Variants in DDX25 observed in about 807,000 individuals in gnomAD.
DDX25 encodes ATP-dependent RNA helicase DDX25.
DDX25 carries 70 observed loss-of-function variants against 64.6 expected under a neutral mutation model. The ratio of observed to expected loss-of-function variants is 1.08; its 90% CI spans 0.89 to 1.32. DDX25 has a LOEUF of 1.32. Among genes scored for constraint, DDX25 ranks in the 40% most tolerant of loss-of-function variants. The pLI is 0.00. For synonymous variants in DDX25, 211 were observed against 213.3 expected (o/e 0.99, Z 0.09); for missense variants, 587 against 604.4 (o/e 0.97, Z 0.30).
Position 125,905,247 on chromosome 11 carries a change from G to A in DDX25, c.99G>A (p.Trp33Ter). ...SNLSQPRKNL[W>*]GIKSTAVRNI... ...TCAGCCAACCCCGGAAGAACCTTTG[G>A]GGTATTAAGAGTACTGCAGTCCGAA... is the stretch of plus-strand genomic sequence containing the variant. Residue 33 changes from tryptophan to a stop codon, truncating the protein, a stop_gained, in exon 2 of 12, where the codon TGG (tryptophan) becomes TGA (stop). Coordinates refer to ENST00000263576, the MANE Select transcript of DDX25 (RefSeq NM_013264.5). LOFTEE classifies it high-confidence loss of function. 1 of 1,551,628 alleles carries A rather than the reference G, an allele frequency of 6.4e-7. No homozygotes were observed. The highest frequency in any genetic ancestry group is 8.7e-7 in the Non-Finnish European group (1 of 1,146,974).
chr11:125,905,628 C>T, intron 3 of DDX25, 31 bp downstream of exon 3: 1 of 1,541,086 alleles, frequency 6.5e-7, no homozygotes, highest in Non-Finnish European at 8.8e-7. Flanking sequence ...CATGTATCTA[C>T]TAGCATTCTG....
chr11:125,917,675 C>T (rs670187), intron 9 of DDX25, among the ~76,000 whole-genome samples: 104,344 of 152,008 alleles, frequency 0.69, 35,991 homozygotes, highest in Admixed American at 0.73. Flanking sequence ...TTAAGCTTCA[C>T]GACAGCAGGG....
chr11:125,904,450 A>T (rs569401312), upstream of DDX25: 124 of 1,331,912 alleles, frequency 9.3e-5, no homozygotes, highest in South Asian at 1.6e-3. Context: ...TGGCCAGCGG[A>T]TGGGGCCAGC....
chr11:125,905,081 A>T, intron 1 of DDX25, 131 bp from the exon 2 acceptor site: 1 of 766,088 alleles, frequency 1.3e-6, no homozygotes, highest in Non-Finnish European at 2.2e-6. Flanking sequence ...ATCTGCTGCT[A>T]CCTAATATTG....
intron 1 of DDX25, 24 bp downstream of exon 1, chr11:125,904,604 C>CCACAGCCGCGGGGGT: frequency 1.4e-6 from 2 of 1,447,984 alleles, no homozygotes; most frequent in Non-Finnish European, 1.8e-6. Flanking sequence ...AGCCGGGGGG[C>CCACAGCCGCGGGGGT]CACAGCCGCG....
chr11:125,911,504 T>C lies in DDX25; in HGVS notation c.800+16T>C. 1 of 1,608,162 alleles carries C rather than the reference T, an allele frequency of 6.2e-7. No individual in the cohort carries two copies. Among genetic ancestry groups the C allele is most frequent in the East Asian group, 2.2e-5 (1 of 44,660 alleles). ...GTATTCAAAGGTAATCTTCAGAGTC[T>C]TCCTCTCTTCCTCAGCCTTCTGTCC... On this transcript the variant is annotated intron_variant, in intron 8 of 11. Transcript: ENST00000263576.
rs778163036 is a variant in DDX25, at chr11:125,918,595, G to A, written c.1039-33G>A. ...AGCTAGGCTGCTTTGCTTAATCTTG[G>A]GGTGCTGTGTTGGGTTTTGCCTTTT... On this transcript the variant is annotated intron_variant, in intron 9 of 11. Coordinates refer to ENST00000263576, the MANE Select transcript of DDX25 (RefSeq NM_013264.5). 12 of 1,600,148 alleles carry A rather than the reference G, an allele frequency of 7.5e-6. No homozygotes were observed. In the South Asian group the frequency reaches 1.2e-4, roughly 16 times the overall value.
intron 10 of DDX25, among the ~76,000 whole-genome samples, chr11:125,920,175 G>A (rs1325970737): frequency 1.3e-5 from 2 of 152,142 alleles, no homozygotes; most frequent in African/African-American, 4.8e-5. Context: ...GGTGGCTCAC[G>A]CCTGTAATCC....
Position 125,918,749 on chromosome 11 carries a change from G to C in DDX25, c.1160G>C (p.Gly387Ala). The C allele has an allele frequency of 1.2e-6, 2 of 1,605,752 alleles. No individual in the cohort carries two copies. Among genetic ancestry groups the C allele is most frequent in the Non-Finnish European group, 1.7e-6 (2 of 1,175,918 alleles). The change falls in exon 10 of 12, where the codon GGG becomes GCG. Residue 387 changes from glycine (G) to alanine (A), a missense_variant. Coordinates refer to ENST00000263576, the MANE Select transcript of DDX25 (RefSeq NM_013264.5). ...TCCATCATTCAGAGGTTTCGGGATG[G>C]GAAAGAGAAGGTTCTCATAACAACT... ...RASIIQRFRD[G>A]KEKVLITTNV...
chr11:125,921,207 G>C lies in DDX25; in HGVS notation c.1218G>C (p.Gln406His), dbSNP rs371641377. The C allele has an allele frequency of 2.5e-6, 4 of 1,611,124 alleles. No homozygotes were observed. In the African/African-American group the frequency reaches 4.0e-5, roughly 16 times the overall value. Residue 406 changes from glutamine (Q) to histidine (H), a missense_variant, in exon 11 of 12, where the codon CAG (glutamine) becomes CAC (histidine). Gln to His is a conservative substitution (Grantham distance 24). Coordinates refer to ENST00000263576, the MANE Select transcript of DDX25 (RefSeq NM_013264.5). The surrounding 1 kb of genome is among the most constrained non-coding windows in gnomAD (Gnocchi z 4.1). ...NVCARGIDVK[Q>H]VTIVVNFDLP... ...CTCTTCTAGGGATTGATGTGAAGCA[G>C]GTCACAATTGTTGTGAACTTTGATC...
intron 6 of DDX25, among the ~76,000 whole-genome samples, chr11:125,908,833 T>C (rs549004132): frequency 1.3e-5 from 2 of 152,346 alleles, no homozygotes; most frequent in African/African-American, 4.8e-5. Flanking sequence ...CCTTAAATCC[T>C]AATACCTAGC....
At position 125,925,727 on chromosome 11, in the gene DDX25, G is replaced by A. The variant is rs979913882; in HGVS notation, c.*2846G>A. The A allele has an allele frequency of 3.6e-6, 1 of 276,526 alleles. No homozygotes were observed. Among genetic ancestry groups the A allele is most frequent in the South Asian group, 3.3e-5 (1 of 30,116 alleles). The allele number at this position is 276,526 out of a possible 1,614,324, so 17.1% of individuals were successfully genotyped here. A position where few individuals can be genotyped will look rare whatever the true frequency, so the allele number is the denominator to read the frequency against. ...TAGAGCAGGACTGTGATTTCCAGTGGGTAAGTGAACACCTCGCATGGAACA... is the reference window on the plus strand; with the variant it reads ...TAGAGCAGGACTGTGATTTCCAGTGAGTAAGTGAACACCTCGCATGGAACA... On this transcript the variant is annotated 3_prime_UTR_variant, in exon 12 of 12. Transcript: ENST00000263576.
intron 8 of DDX25, among the ~76,000 whole-genome samples, chr11:125,915,705 G>C (rs1173460466): frequency 6.6e-6 from 1 of 152,178 alleles, no homozygotes; most frequent in Non-Finnish European, 1.5e-5. Context: ...TTTTCCTCAT[G>C]TTTTCTAACA....
rs1263407542 is a variant in DDX25, at chr11:125,928,812, A to G, written c.*5931A>G. On this transcript the variant is annotated 3_prime_UTR_variant, in exon 12 of 12. Transcript: ENST00000263576. ...GTGTGAATTTATTTTTCCAAATAAA[A>G]TAAAGACATTAACCTTCTATTTTAC... 6.6e-6 allele frequency: 1 copy of G among 152,246 alleles called. No individual in the cohort carries two copies. Among genetic ancestry groups the G allele is most frequent in the Non-Finnish European group, 1.5e-5 (1 of 68,038 alleles). 9.4% of individuals were successfully genotyped at this position (152,246 alleles called of 1,614,324 possible).
intron 9 of DDX25, among the ~76,000 whole-genome samples, chr11:125,917,529 T>C (rs1380915151): frequency 2.0e-5 from 3 of 152,260 alleles, no homozygotes; most frequent in Non-Finnish European, 4.4e-5. Flanking sequence ...TTATGTTTAT[T>C]GTACCTTGTA....
chr11:125,906,002 A>T, intron 3 of DDX25, 72 bp from the exon 4 acceptor site: 2 of 1,479,532 alleles, frequency 1.4e-6, no homozygotes, highest in South Asian at 1.4e-5. Context: ...ACAACCACTG[A>T]AAGAGAAAGA....
In DDX25 at chr11:125,905,542, A is replaced by G. The variant is rs1430232649; in HGVS notation, c.131-11A>G. 42 of 1,551,174 alleles carry G rather than the reference A, an allele frequency of 2.7e-5. No homozygotes were observed. The highest frequency in any genetic ancestry group is 3.7e-5 in the Non-Finnish European group (42 of 1,146,574). On this transcript the variant is annotated splice_polypyrimidine_tract_variant and intron_variant, in intron 2 of 11. Transcript: ENST00000263576. ...TCTTTACTTGTATTGTTTCTCTTCC[A>G]TCCTTTCCAGATGGTTCTATTAATA...
At chr11:125,914,924 G>T (rs755013724) in intron 8 of DDX25, among the ~76,000 whole-genome samples, 13 of 152,136 alleles carry the variant, frequency 8.5e-5, no homozygotes, top group Non-Finnish European at 1.5e-4. Flanking sequence ...TGTACTTTTA[G>T]TAAAGATGGG....
chr11:125,904,443 C>G, upstream of DDX25: 1 of 1,316,364 alleles, frequency 7.6e-7, no homozygotes, highest in East Asian at 3.1e-5. Flanking sequence ...AGCCCATTGG[C>G]CAGCGGATGG....
Sources: allele counts gnomAD v4.1 joint callset (sites outside exome capture counted in the v4.1 genomes callset), GRCh38; gene constraint gnomAD v4.1.1; non-coding constraint Gnocchi (gnomAD v3.1); transcripts MANE v1.5; gene names NCBI Gene and HGNC (gene_info 2026-07-23, HGNC 2026-07-21).